Variants in TUB observed in about 807,000 individuals in gnomAD.
TUB encodes the protein TUB bipartite transcription factor.
TUB carries 33 observed loss-of-function variants against 59.7 expected under a neutral mutation model. The ratio of observed to expected loss-of-function variants is 0.55; its 90% CI spans 0.42 to 0.74. The LOEUF is 0.74. TUB is among the 30% of genes least tolerant of loss of function. The pLI is 0.00. For synonymous variants in TUB, 293 were observed against 256.4 expected, an observed-to-expected ratio of 1.14 and a Z score of -1.36; for missense variants, 659 against 672.0, an observed-to-expected ratio of 0.98 and a Z score of 0.21.
chr11:8,043,294 A>G (rs1012252804), intron 2 of TUB, among the ~76,000 whole-genome samples: 6 of 152,172 alleles, frequency 3.9e-5, no homozygotes, highest in Admixed American at 3.3e-4. Flanking sequence ...CTATATGTCT[A>G]TCTTTATACC....
At chr11:8,097,870 G>C in intron 8 of TUB, 44 bp downstream of exon 8, 1 of 1,491,204 alleles carries the variant, frequency 6.7e-7, no homozygotes, top group Non-Finnish European at 9.3e-7. Context: ...GGGAGGGAGG[G>C]GCAGGGGCAA....
At chr11:8,084,688 C>T (rs1051092831) in intron 1 of TUB, among the ~76,000 whole-genome samples, 30 of 152,214 alleles carry the variant, frequency 2.0e-4, no homozygotes, top group African/African-American at 7.0e-4. Flanking sequence ...ACAGACAAGA[C>T]GTCCACTTCT....
In TUB at chr11:8,090,162, C is replaced by G; in HGVS notation, c.184C>G (p.Arg62Gly). ...TGGGCGGCCCCGGAGCCGGCGGGCC[C>G]GGCAGTCAGAGGAACAAGCCCCCCT... ...ADGRPRSRRA[R>G]QSEEQAPLVE... Residue 62 changes from arginine to glycine, a missense_variant, in exon 3 of 12, where the codon CGG becomes GGG. Coordinates refer to ENST00000299506, the MANE Select transcript of TUB (RefSeq NM_177972.3). 3 of 1,613,598 alleles carry G rather than the reference C, an allele frequency of 1.9e-6. No individual in the cohort carries two copies. The highest frequency in any genetic ancestry group is 2.5e-6 in the Non-Finnish European group (3 of 1,179,922).
rs146835743 is a variant in TUB, at chr11:8,100,847, C to G, written c.1237C>G (p.Arg413Gly). 7 of 1,613,992 alleles carry G rather than the reference C, an allele frequency of 4.3e-6. No individual in the cohort carries two copies. In the African/African-American group the frequency reaches 8.0e-5, roughly 18 times the overall value. The change falls in exon 11 of 12, where the codon CGC becomes GGC. Residue 413 changes from arginine to glycine, a missense_variant. By Grantham distance (125) the Arg-to-Gly change is moderately radical. Around this residue, in one of 3 missense-constraint regions of TUB, gnomAD observed 226 missense variants for 210.8 expected, o/e 1.07. Coordinates refer to ENST00000299506, the MANE Select transcript of TUB (RefSeq NM_177972.3). Reference protein sequence around the residue: ...PRNEHETLLARWQNKNTESII... With the variant: ...PRNEHETLLAGWQNKNTESII... Reference sequence around the variant, plus strand: ...CCAGGAGCATGAGACACTGCTAGCACGCTGGCAGAATAAGAACACGGAGAG... The same window carrying G: ...CCAGGAGCATGAGACACTGCTAGCAGGCTGGCAGAATAAGAACACGGAGAG...
At position 8,101,704 on chromosome 11, in the gene TUB, T is replaced by C. The variant is rs1322009983; in HGVS notation, c.*85T>C. ...TGGAGACAGCCCTGCCTATCCTCTG[T>C]ATATAGGCCTTCCGCCAGATGAAGC... On this transcript the variant is annotated 3_prime_UTR_variant, in exon 12 of 12. Transcript: ENST00000299506. 2 of 1,521,548 alleles carry C rather than the reference T, an allele frequency of 1.3e-6. No homozygotes were observed. Among genetic ancestry groups the C allele is most frequent in the Non-Finnish European group, 1.8e-6 (2 of 1,132,408 alleles). The allele number at this position is 1,521,548 out of a possible 1,614,324, so 94.3% of individuals were successfully genotyped here. A position where few individuals can be genotyped will look rare whatever the true frequency, so the allele number is the denominator to read the frequency against.
upstream of TUB, among the ~76,000 whole-genome samples, chr11:8,080,471 G>A (rs948205873): frequency 2.6e-5 from 4 of 152,180 alleles, no homozygotes; most frequent in Non-Finnish European, 4.4e-5. Flanking sequence ...TTTGCCTCCG[G>A]TCAACTGCGC....
intron 1 of TUB, among the ~76,000 whole-genome samples, chr11:8,022,110 G>C (rs1162884947): frequency 6.6e-6 from 1 of 152,080 alleles, no homozygotes; most frequent in Non-Finnish European, 1.5e-5. Flanking sequence ...TAGGACCTGG[G>C]CTCAATGTTT....
intron 5 of TUB, among the ~76,000 whole-genome samples, chr11:8,096,402 T>C (rs1158247859): frequency 6.6e-6 from 1 of 152,116 alleles, no homozygotes; most frequent in Admixed American, 6.6e-5. Flanking sequence ...AGTGGGGTAA[T>C]GTAGGGACTG....
At chr11:8,094,236 C>CT in intron 4 of TUB, 47 bp downstream of exon 4, 1 of 1,553,086 alleles carries the variant, frequency 6.4e-7, no homozygotes, top group African/African-American at 1.4e-5. Flanking sequence ...CTGGCCTCCA[C>CT]TGTAGGGCTG....
intron 2 of TUB, among the ~76,000 whole-genome samples, chr11:8,050,085 A>G (rs1261596585): frequency 6.6e-6 from 1 of 152,192 alleles, no homozygotes; most frequent in Non-Finnish European, 1.5e-5. Flanking sequence ...GGGATAATTT[A>G]TTATCTACTC....
chr11:8,063,354 T>C (rs1287160254), intron 2 of TUB, among the ~76,000 whole-genome samples: 2 of 152,228 alleles, frequency 1.3e-5, no homozygotes, highest in African/African-American at 2.4e-5. Context: ...TAAATGACCT[T>C]TAAAACCCTC....
At chr11:8,074,170 G>A (rs1343109174) in intron 2 of TUB, among the ~76,000 whole-genome samples, 1 of 151,946 alleles carries the variant, frequency 6.6e-6, no homozygotes, top group Non-Finnish European at 1.5e-5. Flanking sequence ...CATTGGGGGT[G>A]GGGATGTTGT....
In TUB at chr11:8,095,613, TGG is replaced by T; in HGVS notation, c.517_518del (p.Gly173ArgfsTer24). The part of the protein sequence containing the change: ...AQDAGETAAG[G>X]GERPSGQDLR... ...AGGACGCAGGGGAGACGGCAGCTGGTGGGGGCGAACGGCCCAGCGGGCAGGAT... is the reference window on the plus strand; with the variant it reads ...AGGACGCAGGGGAGACGGCAGCTGGTGGGCGAACGGCCCAGCGGGCAGGAT... On this transcript the variant is annotated frameshift_variant, in exon 5 of 12. Coordinates refer to ENST00000299506, the MANE Select transcript of TUB (RefSeq NM_177972.3). LOFTEE classifies it high-confidence loss of function. 1 of 1,612,062 alleles carries T rather than the reference TGG, an allele frequency of 6.2e-7. No homozygotes were observed.
chr11:8,074,043 C>T (rs1320968541), intron 2 of TUB, among the ~76,000 whole-genome samples: 1 of 151,998 alleles, frequency 6.6e-6, no homozygotes, highest in Non-Finnish European at 1.5e-5. Context: ...TTACACTAGG[C>T]AACTGAGGAT....
chr11:8,019,542 G>A (rs1942387191), intron 1 of TUB, among the ~76,000 whole-genome samples: 3 of 152,106 alleles, frequency 2.0e-5, no homozygotes, highest in Admixed American at 2.0e-4. Context: ...GCTCCAGCGA[G>A]GGTAGTGTCC....
chr11:8,029,302 T>C (rs1414035830), intron 1 of TUB, among the ~76,000 whole-genome samples: 1 of 152,202 alleles, frequency 6.6e-6, no homozygotes, highest in Non-Finnish European at 1.5e-5. Context: ...TAAGCTGACT[T>C]TACCTTTCGA....
At chr11:8,024,883 G>T (rs1942479416) in intron 1 of TUB, among the ~76,000 whole-genome samples, 1 of 152,234 alleles carries the variant, frequency 6.6e-6, no homozygotes, top group Admixed American at 6.5e-5. Flanking sequence ...TCACTGCGCA[G>T]AACTTGGATT....
intron 1 of TUB, among the ~76,000 whole-genome samples, chr11:8,024,383 C>G (rs1373298327): frequency 6.6e-6 from 1 of 152,172 alleles, no homozygotes; most frequent in African/African-American, 2.4e-5. Context: ...AGTCTTTCTG[C>G]TTCTCCCTGA....
intron 2 of TUB, among the ~76,000 whole-genome samples, chr11:8,049,050 T>C (rs1198748342): frequency 6.6e-6 from 1 of 152,224 alleles, no homozygotes; most frequent in African/African-American, 2.4e-5. Context: ...AGGCAGGATT[T>C]GAACCCAAGT....
Sources: gnomAD v4.1 joint callset for allele counts (sites outside exome capture counted in the v4.1 genomes callset) on GRCh38, gnomAD v4.1.1 for gene constraint, gnomAD v4.1.1 regional missense constraint, MANE v1.5 for transcripts, NCBI Gene and HGNC (gene_info 2026-07-23, HGNC 2026-07-21) for gene names.